ZDHHC13: variants seen among roughly 807,000 people sequenced by gnomAD.
The protein encoded by ZDHHC13 is palmitoyltransferase ZDHHC13.
A neutral mutation model predicts 86.0 loss-of-function variants in ZDHHC13; 85 were observed. The observed-to-expected ratio is 0.99, with a 90% CI of 0.83 to 1.18. The LOEUF is 1.18. Ranked by LOEUF, ZDHHC13 falls within the 50% of genes most tolerant of loss-of-function variation. The pLI, the probability that ZDHHC13 is intolerant of heterozygous loss-of-function variation, is 0.00. For missense variants in ZDHHC13, 711 were observed against 730.2 expected (o/e 0.97, Z 0.30); for synonymous variants, 263 against 246.4 (o/e 1.07, Z -0.63).
intron 1 of ZDHHC13, among the ~76,000 whole-genome samples, chr11:19,140,509 G>T (rs1002568047): frequency 6.6e-6 from 1 of 152,140 alleles, no homozygotes; most frequent in Non-Finnish European, 1.5e-5. Context: ...TCAGTGTGGC[G>T]ATTCCTCAGG....
In ZDHHC13 at chr11:19,143,028, C is replaced by T. The variant is rs1245803723; in HGVS notation, c.78C>T (p.Gly26=). 1.2e-6 allele frequency: 2 copies of T among 1,612,432 alleles called. No individual in the cohort carries two copies. The highest frequency in any genetic ancestry group is 3.3e-5 in the Admixed American group (2 of 59,766). ...ACCCTCCAGGATTTGGTCGATATGGCATCTGTGCACATGAAAACAAAGAAC... is the reference window on the plus strand; with the variant it reads ...ACCCTCCAGGATTTGGTCGATATGGTATCTGTGCACATGAAAACAAAGAAC... ...GPHPPGFGRY[G]ICAHENKELA... Residue 26 remains glycine, a synonymous_variant, in exon 2 of 17, where the codon GGC becomes GGT. Transcript: ENST00000446113.
At chr11:19,175,781 A>G in intron 16 of ZDHHC13, 41 bp from the exon 17 acceptor site, 1 of 1,600,848 alleles carries the variant, frequency 6.2e-7, no homozygotes, top group South Asian at 1.1e-5. Flanking sequence ...GCTACACAGG[A>G]AATATAGTAA....
intron 8 of ZDHHC13, 22 bp downstream of exon 8, chr11:19,152,706 T>G: frequency 6.2e-7 from 1 of 1,612,304 alleles, no homozygotes; most frequent in East Asian, 2.2e-5. Context: ...TGGGGTCTTT[T>G]CTATGGGATA....
At chr11:19,132,805 C>T (rs553733611) in intron 1 of ZDHHC13, among the ~76,000 whole-genome samples, 1 of 152,178 alleles carries the variant, frequency 6.6e-6, no homozygotes, top group Non-Finnish European at 1.5e-5. Context: ...TCTTACTGTT[C>T]TCATTGTCCA....
At chr11:19,138,311 A>G (rs1674227423) in intron 1 of ZDHHC13, among the ~76,000 whole-genome samples, 1 of 152,014 alleles carries the variant, frequency 6.6e-6, no homozygotes, top group Non-Finnish European at 1.5e-5. Context: ...TAGAAAATCT[A>G]GAAGAAAGGG....
At position 19,175,389 on chromosome 11, in the gene ZDHHC13, CAAAAAAAAAAAA is replaced by C. The variant is rs58806796; in HGVS notation, c.1731-416_1731-405del. Among the ~76,000 whole-genome samples, 42 of 56,374 alleles carry C rather than the reference CAAAAAAAAAAAA, an allele frequency of 7.5e-4. 3 individuals carry two copies. Among genetic ancestry groups the C allele is most frequent in the Non-Finnish European group, 3.5e-4 (11 of 31,342 alleles). 37.0% of individuals were successfully genotyped at this position (56,374 alleles called of 152,430 possible). On this transcript the variant is annotated intron_variant, in intron 16 of 16. Coordinates refer to ENST00000446113, the MANE Select transcript of ZDHHC13 (RefSeq NM_019028.3). ...TGGGTGACAGAGCGAGACTCCGTCTCAAAAAAAAAAAAAAAAAAAAAAAAAAAAGGTTTAGGG... is the reference window on the plus strand; with the variant it reads ...TGGGTGACAGAGCGAGACTCCGTCTCAAAAAAAAAAAAAAAAGGTTTAGGG...
intron 1 of ZDHHC13, among the ~76,000 whole-genome samples, chr11:19,122,957 A>G (rs1848787352): frequency 6.6e-6 from 1 of 152,170 alleles, no homozygotes; most frequent in South Asian, 2.1e-4. Context: ...AACAATGATG[A>G]CATGAACGGA....
rs559886947 is a variant in ZDHHC13, at chr11:19,129,463, A to G, written c.27+12187A>G. Among the ~76,000 whole-genome samples the G allele has an allele frequency of 1.7e-4, 26 of 152,212 alleles. No homozygotes were observed. In the South Asian group the frequency reaches 4.1e-3, roughly 24 times the overall value. On this transcript the variant is annotated intron_variant, in intron 1 of 16. Transcript: ENST00000446113. ...TGAAAGATTTTACAAATTTTGTCAT[A>G]TGCTTTACATAAAGAATTTTCATAT...
At chr11:19,120,602 A>G (rs374755291) in intron 1 of ZDHHC13, among the ~76,000 whole-genome samples, 1 of 152,202 alleles carries the variant, frequency 6.6e-6, no homozygotes, top group Non-Finnish European at 1.5e-5. Flanking sequence ...GTAGCAAATA[A>G]TTTTGAGGCT....
chr11:19,174,069 C>T (rs1196253098), intron 16 of ZDHHC13, among the ~76,000 whole-genome samples: 1 of 152,160 alleles, frequency 6.6e-6, no homozygotes, highest in East Asian at 1.9e-4. Flanking sequence ...GTTCTAAGAA[C>T]CCCAATGGAT....
chr11:19,128,609 A>T (rs1358725295), intron 1 of ZDHHC13, among the ~76,000 whole-genome samples: 1 of 152,188 alleles, frequency 6.6e-6, no homozygotes, highest in Non-Finnish European at 1.5e-5. Flanking sequence ...TTCATTCTTA[A>T]AACTTTTTGG....
intron 14 of ZDHHC13, chr11:19,169,631 G>C (rs1850166725): frequency 1.0e-6 from 1 of 985,448 alleles, no homozygotes; most frequent in Non-Finnish European, 1.2e-6. Flanking sequence ...TGGGCAGGGT[G>C]CCTGTAAAAG....
At chr11:19,139,371 C>G (rs1288794552) in intron 1 of ZDHHC13, among the ~76,000 whole-genome samples, 1 of 151,514 alleles carries the variant, frequency 6.6e-6, no homozygotes, top group Non-Finnish European at 1.5e-5. Flanking sequence ...TGTGAAGGAC[C>G]TCTTCAAGGA....
At chr11:19,143,163 TA>T in intron 2 of ZDHHC13, 40 bp downstream of exon 2, 1 of 1,576,054 alleles carries the variant, frequency 6.3e-7, no homozygotes, top group Non-Finnish European at 8.6e-7. Context: ...TTATGTTCTC[TA>T]GAATTAATAG....
At chr11:19,133,883 A>C (rs1849058542) in intron 1 of ZDHHC13, among the ~76,000 whole-genome samples, 1 of 135,916 alleles carries the variant, frequency 7.4e-6, no homozygotes, top group South Asian at 2.4e-4. Context: ...ATGGAGGTTC[A>C]TTTTATATTT....
chr11:19,122,868 C>T (rs1848785272), intron 1 of ZDHHC13, among the ~76,000 whole-genome samples: 1 of 152,192 alleles, frequency 6.6e-6, no homozygotes. Flanking sequence ...GTACTTTCCT[C>T]ACTTTGTAGA....
chr11:19,166,126 ACTG>A (rs1027379802), intron 13 of ZDHHC13, among the ~76,000 whole-genome samples, 173 bp from the exon 14 acceptor site: 1 of 152,250 alleles, frequency 6.6e-6, no homozygotes, highest in Non-Finnish European at 1.5e-5. Context: ...TGGACAATTG[ACTG>A]TGACATATCA....
chr11:19,135,658 G>T (rs1272251510), intron 1 of ZDHHC13, among the ~76,000 whole-genome samples: 2 of 152,256 alleles, frequency 1.3e-5, no homozygotes, highest in Non-Finnish European at 2.9e-5. Flanking sequence ...AACCTCTGCA[G>T]AGTTAAATGT....
intron 16 of ZDHHC13, among the ~76,000 whole-genome samples, chr11:19,173,295 A>G (rs1850274408): frequency 6.6e-6 from 1 of 152,204 alleles, no homozygotes; most frequent in Admixed American, 6.5e-5. Flanking sequence ...GGGAGAAGCC[A>G]ATTTTTCAGA....
Sources: gnomAD v4.1 joint callset for allele counts (sites outside exome capture counted in the v4.1 genomes callset) on GRCh38, gnomAD v4.1.1 for gene constraint, MANE v1.5 for transcripts, NCBI Gene and HGNC (gene_info 2026-07-23, HGNC 2026-07-21) for gene names.